Variants in OPCML observed in about 807,000 individuals in gnomAD.
OPCML encodes the protein opioid binding protein/cell adhesion molecule like, also known as opioid-binding protein/cell adhesion molecule.
A neutral mutation model predicts 37.8 loss-of-function variants in OPCML; 13 were observed. The ratio of observed to expected loss-of-function variants is 0.34; its 90% confidence interval spans 0.22 to 0.55. The LOEUF (loss-of-function observed/expected upper bound fraction) is 0.55. Ranked by LOEUF, OPCML falls within the 20% of genes least tolerant of loss-of-function variation. The pLI is 0.91. For synonymous variants in OPCML, 176 were observed against 168.8 expected (o/e 1.04, Z -0.33); for missense variants, 341 against 435.6 (o/e 0.78, Z 1.93).
At chr11:133,273,323 C>A (rs2136486518) in intron 1 of OPCML, among the ~76,000 whole-genome samples, 1 of 152,178 alleles carries the variant, frequency 6.6e-6, no homozygotes, top group East Asian at 1.9e-4. Flanking sequence ...CCCCTGTGAG[C>A]CAGCAGGGTG....
chr11:133,188,541 G>A (rs1044444905), intron 1 of OPCML, among the ~76,000 whole-genome samples: 1 of 152,084 alleles, frequency 6.6e-6, no homozygotes, highest in African/African-American at 2.4e-5. Context: ...TTAAAAAAAA[G>A]TTTGAGATGT....
At chr11:133,109,214 G>T (rs991067454) in intron 1 of OPCML, among the ~76,000 whole-genome samples, 1 of 152,140 alleles carries the variant, frequency 6.6e-6, no homozygotes, top group Non-Finnish European at 1.5e-5. Flanking sequence ...ATGAAGCCAC[G>T]GAACTTTGCC....
In OPCML at chr11:132,417,363, C is replaced by T. The variant is rs1193590022; in HGVS notation, c.*2830G>A. 1 of 152,292 alleles carries T rather than the reference C, an allele frequency of 6.6e-6. No individual in the cohort carries two copies. The highest frequency in any genetic ancestry group is 1.5e-5 in the Non-Finnish European group (1 of 68,026). The allele number at this position is 152,292 out of a possible 1,614,324, so 9.4% of individuals were successfully genotyped here. ...AAGTCATTTTCACTCCCAGTGAGTACCCCAGTTGCCTTGGGTTGTATTTAC... is the reference window on the plus strand; with the variant it reads ...AAGTCATTTTCACTCCCAGTGAGTATCCCAGTTGCCTTGGGTTGTATTTAC... On this transcript the variant is annotated 3_prime_UTR_variant, in exon 8 of 8. Transcript: ENST00000524381.
intron 4 of OPCML, among the ~76,000 whole-genome samples, chr11:132,470,599 T>C (rs867537270): frequency 6.6e-6 from 1 of 152,156 alleles, no homozygotes; most frequent in African/African-American, 2.4e-5. Context: ...TCAGTAGCAA[T>C]AGTAAAAGCA....
At chr11:132,431,045 GCC>G (rs1379552980) in intron 7 of OPCML, among the ~76,000 whole-genome samples, 1 of 152,180 alleles carries the variant, frequency 6.6e-6, no homozygotes, top group Non-Finnish European at 1.5e-5. Flanking sequence ...CTGTACTTAG[GCC>G]TGGCAAGACT....
intron 2 of OPCML, among the ~76,000 whole-genome samples, chr11:132,905,585 T>C (rs920404630): frequency 3.9e-5 from 6 of 152,098 alleles, no homozygotes; most frequent in Non-Finnish European, 8.8e-5. Flanking sequence ...GCTAGGTAGA[T>C]AGTTCCCAAA....
At chr11:132,775,598 C>T (rs1946781904) in intron 2 of OPCML, among the ~76,000 whole-genome samples, 1 of 152,218 alleles carries the variant, frequency 6.6e-6, no homozygotes, top group Non-Finnish European at 1.5e-5. Flanking sequence ...TCGATTGCCA[C>T]TGTGGAGCCT....
chr11:132,716,903 C>A (rs1944515359), intron 2 of OPCML, among the ~76,000 whole-genome samples: 2 of 151,992 alleles, frequency 1.3e-5, no homozygotes, highest in African/African-American at 4.8e-5. Flanking sequence ...ATTTTTAGAA[C>A]TATCCCAATA....
intron 4 of OPCML, among the ~76,000 whole-genome samples, chr11:132,472,302 T>C (rs2096140498): frequency 6.6e-6 from 1 of 152,132 alleles, no homozygotes; most frequent in South Asian, 2.1e-4. Flanking sequence ...GCCTAGCACA[T>C]AGTAAGCACT....
At chr11:133,167,887 CA>C (rs1243527325) in intron 1 of OPCML, among the ~76,000 whole-genome samples, 1 of 152,226 alleles carries the variant, frequency 6.6e-6, no homozygotes, top group African/African-American at 2.4e-5. Context: ...TTTTCCTTAA[CA>C]TTCCTATCTA....
intron 1 of OPCML, among the ~76,000 whole-genome samples, chr11:133,346,443 G>C (rs761929744): frequency 5.9e-5 from 9 of 152,218 alleles, no homozygotes; most frequent in Non-Finnish European, 1.3e-4. Flanking sequence ...CCAATATCGA[G>C]AGATGTGAAT....
intron 1 of OPCML, among the ~76,000 whole-genome samples, chr11:132,984,698 G>A (rs539054951): frequency 6.6e-6 from 1 of 152,048 alleles, no homozygotes; most frequent in Admixed American, 6.5e-5. Flanking sequence ...AAAGACCACT[G>A]ACTGCTGATT....
At chr11:132,462,411 T>G (rs535889002) in intron 4 of OPCML, among the ~76,000 whole-genome samples, 1 of 152,328 alleles carries the variant, frequency 6.6e-6, no homozygotes, top group East Asian at 1.9e-4. Flanking sequence ...ATTGAAAACT[T>G]CAGCCTCTCT....
rs1475444860 is a variant in OPCML at position 133,145,702 on chromosome 11, G to A, written c.62-202692C>T. On this transcript the variant is annotated intron_variant, in intron 1 of 7. Coordinates refer to ENST00000524381, the MANE Select transcript of OPCML (RefSeq NM_001012393.5). ...GAAAGAGCGTGGAGGTAGGAAGACT[G>A]ATTTGAAGGTGGGGACATGGCCATG... 2.6e-5 allele frequency among the ~76,000 whole-genome samples: 4 copies of A among 152,344 alleles called. No homozygotes were observed. In the East Asian group the frequency reaches 5.8e-4, roughly 22 times the overall value.
intron 3 of OPCML, among the ~76,000 whole-genome samples, chr11:132,558,934 C>A (rs1424670708): frequency 1.3e-5 from 2 of 152,108 alleles, no homozygotes; most frequent in African/African-American, 2.4e-5. Flanking sequence ...CCCATCCCAA[C>A]CAGAGCACAG....
At chr11:132,764,843 G>T (rs186880388) in intron 2 of OPCML, among the ~76,000 whole-genome samples, 1 of 152,322 alleles carries the variant, frequency 6.6e-6, no homozygotes, top group East Asian at 1.9e-4. Flanking sequence ...GCTCAAATAT[G>T]ATCTGGTATT....
intron 1 of OPCML, among the ~76,000 whole-genome samples, chr11:133,288,168 C>A (rs138266409): frequency 6.6e-6 from 1 of 152,302 alleles, no homozygotes; most frequent in Non-Finnish European, 1.5e-5. Context: ...TTCTCTCTGA[C>A]CTCTGTCCTT....
At chr11:133,241,703 C>T (rs1195549248) in intron 1 of OPCML, among the ~76,000 whole-genome samples, 1 of 152,182 alleles carries the variant, frequency 6.6e-6, no homozygotes, top group Non-Finnish European at 1.5e-5. Flanking sequence ...TTTGGAGGTA[C>T]ATTTTCCCAA....
intron 1 of OPCML, among the ~76,000 whole-genome samples, chr11:133,500,988 G>A (rs1947898798): frequency 6.6e-6 from 1 of 152,020 alleles, no homozygotes; most frequent in Admixed American, 6.6e-5. Flanking sequence ...TGGGGCAGGA[G>A]GCTTGGAGCT....
Sources: gnomAD v4.1 joint callset for allele counts (sites outside exome capture counted in the v4.1 genomes callset) on GRCh38, gnomAD v4.1.1 for gene constraint, MANE v1.5 for transcripts, NCBI Gene and HGNC (gene_info 2026-07-23, HGNC 2026-07-21) for gene names.